Variants in TNIP1 observed in about 807,000 individuals in gnomAD.
TNIP1 encodes TNFAIP3 interacting protein 1, also known as TNFAIP3-interacting protein 1.
Under a neutral mutation model 86.6 loss-of-function variants are expected in TNIP1, and 22 were observed. The observed-to-expected ratio is 0.25, with a 90% CI of 0.18 to 0.36. The LOEUF is 0.36. TNIP1 is among the 10% of genes least tolerant of loss of function. TNIP1 has a pLI of 1.00. For synonymous variants in TNIP1, 294 were observed against 313.0 expected (o/e 0.94, Z 0.64); for missense variants, 709 against 820.6 (o/e 0.86, Z 1.66).
At chr5:151,065,813 A>G (rs1194658327) in intron 1 of TNIP1, among the ~76,000 whole-genome samples, 1 of 152,182 alleles carries the variant, frequency 6.6e-6, no homozygotes, top group African/African-American at 2.4e-5. Flanking sequence ...TGAGTCTCAT[A>G]TCATATATGG....
chr5:151,055,455 G>A (rs1472643655), intron 6 of TNIP1, among the ~76,000 whole-genome samples: 1 of 152,112 alleles, frequency 6.6e-6, no homozygotes, highest in African/African-American at 2.4e-5. Flanking sequence ...TAGGCACTGT[G>A]CCAGGCTCAC....
In TNIP1 at chr5:151,049,826, G is replaced by T; in HGVS notation, c.844C>A (p.Gln282Lys). The T allele has an allele frequency of 6.2e-7, 1 of 1,614,144 alleles. No homozygotes were observed. Among genetic ancestry groups the T allele is most frequent in the Non-Finnish European group, 8.5e-7 (1 of 1,180,012 alleles). ...TGKKAVAGQQ[Q>K]ASVTAGKVPE... is the part of the protein sequence containing the mutation. ...AGAAGGAATTTCTGACCACATACCT[G>T]CTGCTGTCCAGCCACTGCCTTCTTG... The change falls in exon 8 of 18, where the codon CAG (glutamine) becomes AAG (lysine). Residue 282 changes from glutamine (Q) to lysine (K), a missense_variant and splice_region_variant. Coordinates refer to ENST00000521591, the MANE Select transcript of TNIP1 (RefSeq NM_006058.5).
At chr5:151,054,704 C>A (rs1428870363) in intron 6 of TNIP1, among the ~76,000 whole-genome samples, 2 of 152,102 alleles carry the variant, frequency 1.3e-5, no homozygotes, top group African/African-American at 2.4e-5. Flanking sequence ...AAAAAGAAAT[C>A]AAAAAATTAT....
Position 151,060,316 on chromosome 5 carries a change from A to G in TNIP1, c.435+2T>C. On this transcript the variant is annotated splice_donor_variant, in intron 5 of 17. Transcript: ENST00000521591. LOFTEE classifies it high-confidence loss of function. Reference sequence around the variant, plus strand: ...AGCCCGGGGTCCTGCCCGTCCACTCACCATCGCATTGGCATGGCTGCTGCT... The same window carrying G: ...AGCCCGGGGTCCTGCCCGTCCACTCGCCATCGCATTGGCATGGCTGCTGCT... 6.2e-7 allele frequency: 1 copy of G among 1,614,058 alleles called. No individual in the cohort carries two copies. Among genetic ancestry groups the G allele is most frequent in the Non-Finnish European group, 8.5e-7 (1 of 1,180,022 alleles).
intron 6 of TNIP1, among the ~76,000 whole-genome samples, chr5:151,054,860 C>G (rs6895271): frequency 1.3e-5 from 2 of 152,078 alleles, no homozygotes; most frequent in East Asian, 3.9e-4. Flanking sequence ...TAAAAATACC[C>G]AAGATGCCAT....
In TNIP1 at chr5:151,033,676, G is replaced by A. The variant is rs139724991; in HGVS notation, c.1711C>T (p.Arg571Cys). Reference sequence around the variant, plus strand: ...ATGGCCATGGGGGGAGGGGGGTAGCGGATCTGGGACCAGTCCTCGAAGCCA... The same window carrying A: ...ATGGCCATGGGGGGAGGGGGGTAGCAGATCTGGGACCAGTCCTCGAAGCCA... ...HHGFEDWSQI[R>C]YPPPPMAMEH... Residue 571 changes from arginine (R) to cysteine (C), a missense_variant, in exon 16 of 18, where the codon CGC (arginine) becomes TGC (cysteine). Transcript: ENST00000521591. The A allele has an allele frequency of 1.4e-5, 19 of 1,350,206 alleles. No individual in the cohort carries two copies. Among genetic ancestry groups the A allele is most frequent in the African/African-American group, 9.0e-5 (6 of 66,768 alleles). 83.6% of individuals were successfully genotyped at this position (1,350,206 alleles called of 1,614,324 possible).
At chr5:151,050,987 T>C (rs1759855861) in intron 7 of TNIP1, among the ~76,000 whole-genome samples, 1 of 152,184 alleles carries the variant, frequency 6.6e-6, no homozygotes, top group South Asian at 2.1e-4. Context: ...ACCACTTCTT[T>C]ATGTTCTATT....
At chr5:151,061,399 A>G (rs768846031) in intron 4 of TNIP1, among the ~76,000 whole-genome samples, 3 of 151,940 alleles carry the variant, frequency 2.0e-5, no homozygotes, top group Non-Finnish European at 2.9e-5. Context: ...CTTTCCCTGC[A>G]CCTGATCTGT....
intron 5 of TNIP1, among the ~76,000 whole-genome samples, chr5:151,057,437 A>C (rs1251256378): frequency 1.3e-5 from 2 of 152,222 alleles, no homozygotes; most frequent in Non-Finnish European, 2.9e-5. Flanking sequence ...TTCTAAAAAA[A>C]CAAACTGGCC....
chr5:151,067,383 G>C (rs1466856857), intron 1 of TNIP1, among the ~76,000 whole-genome samples: 1 of 152,232 alleles, frequency 6.6e-6, no homozygotes, highest in Non-Finnish European at 1.5e-5. Flanking sequence ...ATCTGGCTGG[G>C]AACTTCCTGA....
At chr5:151,069,756 A>T (rs1347836983) in intron 1 of TNIP1, among the ~76,000 whole-genome samples, 1 of 152,224 alleles carries the variant, frequency 6.6e-6, no homozygotes, top group East Asian at 1.9e-4. Context: ...ACAGAACGTC[A>T]GAGAGGTCTA....
intron 1 of TNIP1, among the ~76,000 whole-genome samples, chr5:151,076,396 G>A (rs1763401059): frequency 6.6e-6 from 1 of 152,230 alleles, no homozygotes; most frequent in Admixed American, 6.5e-5. Flanking sequence ...GCCTGGCCCA[G>A]AGGGAAACCA....
At chr5:151,044,126 C>T (rs1205458135) in intron 9 of TNIP1, among the ~76,000 whole-genome samples, 3 of 152,054 alleles carry the variant, frequency 2.0e-5, no homozygotes, top group Admixed American at 6.6e-5. Flanking sequence ...TCATGGCTCA[C>T]TGCAGCCTCC....
Position 151,033,769 on chromosome 5 carries a change from G to A in TNIP1, c.1618C>T (p.His540Tyr), listed in dbSNP as rs144215516. Residue 540 changes from histidine (H) to tyrosine (Y), a missense_variant, in exon 16 of 18, where the codon CAC (histidine) becomes TAC (tyrosine). His to Tyr is a moderately conservative substitution (Grantham distance 83). Coordinates refer to ENST00000521591, the MANE Select transcript of TNIP1 (RefSeq NM_006058.5). Reference sequence around the variant, plus strand: ...TAGGCCCCGCAGAGATGTTCTGGGTGGGGCTCCACATGGTAACGCTCTCCT... The same window carrying A: ...TAGGCCCCGCAGAGATGTTCTGGGTAGGGCTCCACATGGTAACGCTCTCCT... ...ASGERYHVEP[H>Y]PEHLCGAYPY... 46 of 1,364,648 alleles carry A rather than the reference G, an allele frequency of 3.4e-5. No homozygotes were observed. In the African/African-American group the frequency reaches 6.3e-4, roughly 19 times the overall value. 84.5% of individuals were successfully genotyped at this position (1,364,648 alleles called of 1,614,324 possible).
intron 1 of TNIP1, among the ~76,000 whole-genome samples, chr5:151,069,885 A>C (rs1174460831): frequency 6.6e-6 from 1 of 152,146 alleles, no homozygotes; most frequent in Non-Finnish European, 1.5e-5. Context: ...GATCAAGAAG[A>C]CCCAAGTCTC....
At chr5:151,059,555 TAAC>T (rs1342531334) in intron 5 of TNIP1, among the ~76,000 whole-genome samples, 8 of 152,084 alleles carry the variant, frequency 5.3e-5, no homozygotes. Context: ...ATTGCTCGCA[TAAC>T]AACAATTAAA....
intron 1 of TNIP1, among the ~76,000 whole-genome samples, chr5:151,077,042 G>A (rs1377620501): frequency 6.6e-6 from 1 of 152,168 alleles, no homozygotes; most frequent in Non-Finnish European, 1.5e-5. Flanking sequence ...TCACAGACTG[G>A]GTAATTTATA....
intron 13 of TNIP1, 149 bp downstream of exon 13, chr5:151,036,640 TA>T: frequency 8.5e-7 from 1 of 1,181,818 alleles, no homozygotes; most frequent in Non-Finnish European, 1.2e-6. Flanking sequence ...CTGGAAAGGA[TA>T]AACCTAGAGC....
At chr5:151,074,786 C>T (rs995047644) in intron 1 of TNIP1, among the ~76,000 whole-genome samples, 3 of 152,196 alleles carry the variant, frequency 2.0e-5, no homozygotes, top group Non-Finnish European at 2.9e-5. Context: ...GCTGGAGATA[C>T]GAACATGAAT....
Sources: gnomAD v4.1 joint callset for allele counts (sites outside exome capture counted in the v4.1 genomes callset) on GRCh38, gnomAD v4.1.1 for gene constraint, MANE v1.5 for transcripts, NCBI Gene and HGNC (gene_info 2026-07-23, HGNC 2026-07-21) for gene names.